The following ZNF609 variants were observed in gnomAD, a reference collection of about 807,000 sequenced individuals.
The protein encoded by ZNF609 is zinc finger protein 609.
ZNF609 carries 11 observed loss-of-function variants against 109.5 expected under a neutral mutation model. The ratio of observed to expected loss-of-function variants is 0.10; its 90% CI spans 0.06 to 0.17. The LOEUF (loss-of-function observed/expected upper bound fraction) is 0.17, where lower values mean the gene tolerates loss of function less well. Among genes scored for constraint, ZNF609 ranks in the 10% least tolerant of loss-of-function variants. The pLI is 1.00. For synonymous variants in ZNF609, 646 were observed against 662.0 expected (o/e 0.98, Z 0.37); for missense variants, 1,559 against 1,772.4 (o/e 0.88, Z 2.16).
chr15:64,678,143 G>A lies in ZNF609; in HGVS notation c.3430G>A (p.Val1144Ile). The change falls in exon 6 of 10, where the codon GTT becomes ATT. Residue 1144 changes from valine (V) to isoleucine (I), a missense_variant. Val to Ile is a conservative substitution (Grantham distance 29). Around this residue, in one of 4 missense-constraint regions of ZNF609, gnomAD observed 1,204 missense variants for 1,314.1 expected, o/e 0.92. Transcript: ENST00000326648. Reference protein sequence around the residue: ...QEAEPRMWTYVYPAKYSDIKS... With the variant: ...QEAEPRMWTYIYPAKYSDIKS... The stretch of plus-strand genomic sequence containing the variant: ...GGCAGAGCCCCGGATGTGGACATAT[G>A]TTTATCCTGCCAAGTACTCAGACAT... 6.2e-7 allele frequency: 1 copy of A among 1,613,772 alleles called. No individual in the cohort carries two copies. The highest frequency in any genetic ancestry group is 8.5e-7 in the Non-Finnish European group (1 of 1,179,832).
intron 1 of ZNF609, among the ~76,000 whole-genome samples, chr15:64,488,149 T>G (rs1023289554): frequency 6.6e-6 from 1 of 152,222 alleles, no homozygotes; most frequent in African/African-American, 2.4e-5. Context: ...CTTTGTTTTC[T>G]AAACTTTCCC....
At chr15:64,477,753 C>G (rs535848718) in intron 1 of ZNF609, among the ~76,000 whole-genome samples, 1 of 152,142 alleles carries the variant, frequency 6.6e-6, no homozygotes, top group Non-Finnish European at 1.5e-5. Flanking sequence ...CTCAGCCTCC[C>G]GACTGGCTGG....
chr15:64,644,093 G>A (rs1896298048), intron 3 of ZNF609, among the ~76,000 whole-genome samples: 1 of 151,920 alleles, frequency 6.6e-6, no homozygotes, highest in Non-Finnish European at 1.5e-5. Flanking sequence ...AACAGAGCAA[G>A]ACCCTGTCTC....
intron 3 of ZNF609, among the ~76,000 whole-genome samples, chr15:64,637,270 A>G (rs1332799688): frequency 6.6e-6 from 1 of 152,194 alleles, no homozygotes; most frequent in African/African-American, 2.4e-5. Context: ...TTATGTGAGT[A>G]TACTGCTACT....
At chr15:64,541,193 T>C (rs779044789) in intron 2 of ZNF609, among the ~76,000 whole-genome samples, 1 of 151,074 alleles carries the variant, frequency 6.6e-6, no homozygotes, top group East Asian at 2.0e-4. Flanking sequence ...TTTGGGAGGC[T>C]GAGGCCGGCG....
At chr15:64,619,938 A>T (rs1199063482) in intron 2 of ZNF609, among the ~76,000 whole-genome samples, 1 of 152,192 alleles carries the variant, frequency 6.6e-6, no homozygotes, top group Non-Finnish European at 1.5e-5. Flanking sequence ...TGTTTCTCCT[A>T]GCCTGCCAGG....
intron 2 of ZNF609, among the ~76,000 whole-genome samples, chr15:64,572,280 G>A (rs1021237060): frequency 3.3e-5 from 5 of 152,180 alleles, no homozygotes; most frequent in Non-Finnish European, 7.3e-5. Context: ...CAGATCGTTT[G>A]AGTCTGAAAG....
At chr15:64,513,630 T>C (rs1299155356) in intron 2 of ZNF609, among the ~76,000 whole-genome samples, 1 of 152,216 alleles carries the variant, frequency 6.6e-6, no homozygotes, top group African/African-American at 2.4e-5. Flanking sequence ...TTCTTTAGCA[T>C]TGAGACAAGC....
At chr15:64,477,130 C>CTCTT (rs1341276827) in intron 1 of ZNF609, among the ~76,000 whole-genome samples, 1 of 145,444 alleles carries the variant, frequency 6.9e-6, no homozygotes, top group Non-Finnish European at 1.5e-5. Flanking sequence ...GCTTACTCTT[C>CTCTT]TCTTTCTTTT....
chr15:64,468,531 C>T (rs1893046680), intron 1 of ZNF609, among the ~76,000 whole-genome samples: 1 of 152,010 alleles, frequency 6.6e-6, no homozygotes, highest in Non-Finnish European at 1.5e-5. Flanking sequence ...GGATTATAGG[C>T]ATGAGCCACT....
At chr15:64,495,852 T>C (rs1893475350) in intron 1 of ZNF609, among the ~76,000 whole-genome samples, 2 of 151,718 alleles carry the variant, frequency 1.3e-5, no homozygotes, top group Non-Finnish European at 2.9e-5. Flanking sequence ...ACAATTTCAT[T>C]CTGTCACCCA....
intron 1 of ZNF609, among the ~76,000 whole-genome samples, chr15:64,465,646 G>T (rs2140326663): frequency 6.6e-6 from 1 of 152,000 alleles, no homozygotes; most frequent in Non-Finnish European, 1.5e-5. Context: ...CTCCCAAAGT[G>T]CTGGGATTAC....
intron 2 of ZNF609, among the ~76,000 whole-genome samples, chr15:64,616,145 G>A (rs1385623530): frequency 1.3e-5 from 2 of 151,856 alleles, no homozygotes; most frequent in East Asian, 3.9e-4. Context: ...ATAGGGATGT[G>A]CCACCATGCC....
intron 2 of ZNF609, among the ~76,000 whole-genome samples, chr15:64,563,211 A>T (rs1894708784): frequency 6.6e-6 from 1 of 151,970 alleles, no homozygotes. Context: ...GCACTTTGGG[A>T]GGCCAAGGTA....
At chr15:64,608,783 A>G (rs1369262953) in intron 2 of ZNF609, among the ~76,000 whole-genome samples, 1 of 151,512 alleles carries the variant, frequency 6.6e-6, no homozygotes, top group Non-Finnish European at 1.5e-5. Context: ...TTGTCCCCCA[A>G]GCTGGAATGC....
Position 64,680,270 on chromosome 15 carries a change from C to A in ZNF609, c.3855C>A (p.Ser1285Arg). 6.2e-7 allele frequency: 1 copy of A among 1,614,226 alleles called. No homozygotes were observed. The highest frequency in any genetic ancestry group is 2.2e-5 in the East Asian group (1 of 44,890). Residue 1285 changes from serine (S) to arginine (R), a missense_variant, in exon 7 of 10, where the codon AGC (serine) becomes AGA (arginine). This residue lies in a region of ZNF609 where 1,204 missense variants were observed against 1,314.1 expected (regional missense o/e 0.92). Transcript: ENST00000326648. ...AAGATGCTGACAAGGCACGAGCCAG[C>A]CCCAGTGTGACTTGTAAATCCAGCT... is the stretch of plus-strand genomic sequence containing the variant. ...GGEDADKARA[S>R]PSVTCKSSSE...
At chr15:64,513,566 A>C (rs1893763760) in intron 2 of ZNF609, among the ~76,000 whole-genome samples, 1 of 152,202 alleles carries the variant, frequency 6.6e-6, no homozygotes, top group Admixed American at 6.5e-5. Context: ...ATTTCTTAGG[A>C]TGATTTCTTG....
At position 64,675,859 on chromosome 15, in the gene ZNF609, G is replaced by C. The variant is rs202246854; in HGVS notation, c.3005G>C (p.Arg1002Pro). ...CTTCTGAGCACTAACACGGCTTACC[G>C]GCAGCAGTACGAAGAACAGCAGAAA... ...THLLSTNTAYRQQYEEQQKRQ... is the reference protein window; with the variant it reads ...THLLSTNTAYPQQYEEQQKRQ... Residue 1002 changes from arginine to proline, a missense_variant, in exon 5 of 10, where the codon CGG becomes CCG. This residue lies in a region of ZNF609 where 1,204 missense variants were observed against 1,314.1 expected (regional missense o/e 0.92). Coordinates refer to ENST00000326648, the MANE Select transcript of ZNF609 (RefSeq NM_015042.2). The C allele has an allele frequency of 6.2e-7, 1 of 1,614,072 alleles. No individual in the cohort carries two copies. Among genetic ancestry groups the C allele is most frequent in the Admixed American group, 1.7e-5 (1 of 59,992 alleles).
intron 5 of ZNF609, 78 bp from the exon 6 acceptor site, chr15:64,678,038 G>A: frequency 1.3e-6 from 2 of 1,534,382 alleles, no homozygotes; most frequent in Non-Finnish European, 1.8e-6. Context: ...TGCTCTGGTG[G>A]TTCTACTGGG....
Sources: gnomAD v4.1 joint callset for allele counts (sites outside exome capture counted in the v4.1 genomes callset) on GRCh38, gnomAD v4.1.1 for gene constraint, gnomAD v4.1.1 regional missense constraint, MANE v1.5 for transcripts, NCBI Gene and HGNC (gene_info 2026-07-23, HGNC 2026-07-21) for gene names.